Variants in NRXN3 observed in about 807,000 individuals in gnomAD.
NRXN3 encodes neurexin III.
NRXN3 carries 32 observed loss-of-function variants against 137.6 expected under a neutral mutation model. The ratio of observed to expected loss-of-function variants is 0.23; its 90% confidence interval spans 0.18 to 0.31. The LOEUF is 0.31. Ranked by LOEUF, NRXN3 falls within the 10% of genes least tolerant of loss-of-function variation. NRXN3 has a pLI of 1.00. For synonymous variants in NRXN3, 798 were observed against 784.5 expected (o/e 1.02, Z -0.29); for missense variants, 1,574 against 2,062.5 (o/e 0.76, Z 4.59).
At chr14:78,444,882 G>A (rs2094369624) in intron 4 of NRXN3, among the ~76,000 whole-genome samples, 1 of 119,078 alleles carries the variant, frequency 8.4e-6, no homozygotes, top group Non-Finnish European at 1.6e-5. Flanking sequence ...TCGCACCACT[G>A]CACTCCAGCC....
intron 8 of NRXN3, among the ~76,000 whole-genome samples, chr14:78,786,270 A>G (rs571834628): frequency 9.8e-5 from 15 of 152,298 alleles, no homozygotes; most frequent in African/African-American, 3.1e-4. Flanking sequence ...GGGAACTAAT[A>G]CTACAAATAG....
chr14:79,374,443 C>T (rs2094201678), intron 15 of NRXN3, among the ~76,000 whole-genome samples: 1 of 151,984 alleles, frequency 6.6e-6, no homozygotes, highest in Admixed American at 6.6e-5. Context: ...CACTAAAATA[C>T]CACATTCTAA....
chr14:79,679,199 C>G (rs2098656564), intron 17 of NRXN3, among the ~76,000 whole-genome samples: 1 of 151,946 alleles, frequency 6.6e-6, no homozygotes, highest in African/African-American at 2.4e-5. Flanking sequence ...ATGGCACATA[C>G]AAAAGCATGC....
intron 4 of NRXN3, among the ~76,000 whole-genome samples, chr14:78,387,071 G>T (rs12101056): frequency 7.2e-5 from 11 of 152,130 alleles, no homozygotes; most frequent in African/African-American, 1.9e-4. Flanking sequence ...GTGAGCCACC[G>T]CACCCGGCCT....
intron 1 of NRXN3, among the ~76,000 whole-genome samples, chr14:78,215,754 T>A (rs528088795): frequency 7.5e-4 from 64 of 85,370 alleles, no homozygotes; most frequent in African/African-American, 2.9e-3. Context: ...GGGGGTTTCG[T>A]TTGTGCTGCA....
In NRXN3 at chr14:78,485,488, CAG is replaced by C. The variant is rs1321957197; in HGVS notation, c.758-159626_758-159625del. On this transcript the variant is annotated intron_variant, in intron 4 of 20. Coordinates refer to ENST00000335750, the MANE Select transcript of NRXN3 (RefSeq NM_001330195.2). The stretch of plus-strand genomic sequence containing the variant: ...CTGTGTCCAAGCACTGTAGAATAAA[CAG>C]AGAGAAATAAAGCAATCTCCATTTT... 2.6e-5 allele frequency among the ~76,000 whole-genome samples: 4 copies of C among 152,322 alleles called. No homozygotes were observed. The East Asian group carries it at 7.7e-4, about 29-fold the overall frequency.
chr14:79,593,187 G>A (rs942004612), intron 16 of NRXN3, among the ~76,000 whole-genome samples: 14 of 151,806 alleles, frequency 9.2e-5, no homozygotes, highest in African/African-American at 3.1e-4. Flanking sequence ...ACTACTGATC[G>A]CTTATAGTAC....
chr14:79,463,972 T>C lies in NRXN3; in HGVS notation c.3263-3249T>C, dbSNP rs146345692. Among the ~76,000 whole-genome samples the C allele has an allele frequency of 1.5e-4, 23 of 152,290 alleles. No homozygotes were observed. The East Asian group carries it at 4.4e-3, about 29-fold the overall frequency. On this transcript the variant is annotated intron_variant, in intron 15 of 20. Transcript: ENST00000335750. ...ATTTGAATATGTAAAACAAAATAAT[T>C]CTATGTTTCCTGTAGGACTCTAGGC...
Position 78,384,462 on chromosome 14 carries a change from C to T in NRXN3, c.757+86602C>T, listed in dbSNP as rs77356046. Among the ~76,000 whole-genome samples, 801 of 152,232 alleles carry T rather than the reference C, an allele frequency of 5.3e-3. 32 individuals carry two copies. The East Asian group carries it at 0.084, about 16-fold the overall frequency. On this transcript the variant is annotated intron_variant, in intron 4 of 20. Transcript: ENST00000335750. ...TGGATAAATCATTTCATATTTTTGA[C>T]CCTCAGTTTATTCATGTGTAGCATG...
intron 15 of NRXN3, among the ~76,000 whole-genome samples, chr14:79,064,311 T>A (rs1003753008): frequency 6.6e-6 from 1 of 152,156 alleles, no homozygotes; most frequent in African/African-American, 2.4e-5. Context: ...AAGTTTTTTT[T>A]TCAGTGTTGT....
At chr14:78,533,503 C>T (rs2096496491) in intron 4 of NRXN3, among the ~76,000 whole-genome samples, 1 of 152,058 alleles carries the variant, frequency 6.6e-6, no homozygotes, top group Admixed American at 6.6e-5. Flanking sequence ...TAAGGCTGTC[C>T]ACGATCCATC....
chr14:78,455,252 G>T (rs1156228363), intron 4 of NRXN3, among the ~76,000 whole-genome samples: 1 of 152,148 alleles, frequency 6.6e-6, no homozygotes, highest in Non-Finnish European at 1.5e-5. Flanking sequence ...ATCTTGGGTG[G>T]ACCCTGGGGG....
chr14:78,658,519 T>G (rs1002936204), intron 6 of NRXN3, among the ~76,000 whole-genome samples: 1 of 152,176 alleles, frequency 6.6e-6, no homozygotes, highest in Non-Finnish European at 1.5e-5. Context: ...TTTCTGCAAT[T>G]AAAAACCTGC....
intron 16 of NRXN3, among the ~76,000 whole-genome samples, chr14:79,627,875 G>A (rs2098299271): frequency 2.0e-5 from 3 of 152,062 alleles, no homozygotes; most frequent in South Asian, 2.1e-4. Context: ...AGTATATAGA[G>A]TGACAATTTT....
intron 4 of NRXN3, among the ~76,000 whole-genome samples, chr14:78,630,879 A>G (rs2097515545): frequency 6.6e-6 from 1 of 152,196 alleles, no homozygotes; most frequent in Non-Finnish European, 1.5e-5. Flanking sequence ...TGCTGGGATT[A>G]CAGACGTGAG....
intron 15 of NRXN3, among the ~76,000 whole-genome samples, chr14:79,334,471 A>C (rs114069072): frequency 6.6e-6 from 1 of 152,214 alleles, no homozygotes; most frequent in Non-Finnish European, 1.5e-5. Context: ...TTATTGGAGA[A>C]ACAGTGGGAG....
chr14:78,703,160 G>C (rs770497906), intron 6 of NRXN3, among the ~76,000 whole-genome samples: 9 of 152,198 alleles, frequency 5.9e-5, no homozygotes, highest in Non-Finnish European at 8.8e-5. Flanking sequence ...ATGTTAAAAG[G>C]TGTAATTCAT....
At chr14:78,373,777 T>C (rs2087294276) in intron 4 of NRXN3, among the ~76,000 whole-genome samples, 1 of 152,084 alleles carries the variant, frequency 6.6e-6, no homozygotes, top group Non-Finnish European at 1.5e-5. Flanking sequence ...GGCAGAGCTA[T>C]TGAGATGAAA....
chr14:78,213,355 G>A, intron 1 of NRXN3, among the ~76,000 whole-genome samples: 1 of 152,166 alleles, frequency 6.6e-6, no homozygotes, highest in East Asian at 1.9e-4. Context: ...AGACATGCAA[G>A]AATCTTATTG....
Sources: gnomAD v4.1 joint callset for allele counts (sites outside exome capture counted in the v4.1 genomes callset) on GRCh38, gnomAD v4.1.1 for gene constraint, MANE v1.5 for transcripts, NCBI Gene and HGNC (gene_info 2026-07-23, HGNC 2026-07-21) for gene names.